DCPS: variants seen among roughly 807,000 people sequenced by gnomAD.
The protein encoded by DCPS is decapping enzyme, scavenger.
DCPS carries 27 observed loss-of-function variants against 34.7 expected under a neutral mutation model. That is an observed-to-expected ratio of 0.78 (90% CI 0.57 to 1.07). The LOEUF (loss-of-function observed/expected upper bound fraction) is 1.07. Among genes scored for constraint, DCPS ranks in the 50% least tolerant of loss-of-function variants. The probability of loss-of-function intolerance (pLI) is 0.00; values close to 1 mark genes in which losing one functional copy is unlikely to be tolerated. For synonymous variants in DCPS, 185 were observed against 185.7 expected, an observed-to-expected ratio of 1.00 and a Z score of 0.03; for missense variants, 464 against 436.9, an observed-to-expected ratio of 1.06 and a Z score of -0.55.
chr11:126,304,413 C>T, intron 1 of DCPS, 132 bp downstream of exon 1: 2 of 1,017,828 alleles, frequency 2.0e-6, no homozygotes, highest in Non-Finnish European at 2.9e-6. Flanking sequence ...CGGGAGTGCG[C>T]CACTAGAATG....
At position 126,339,316 on chromosome 11, in the gene DCPS, G is replaced by A. The variant is rs1002690658; in HGVS notation, c.636+917G>A. On this transcript the variant is annotated intron_variant, in intron 4 of 5. Transcript: ENST00000263579. Reference sequence around the variant, plus strand: ...GTGCCGTTCTGCTTTCGGTGGGCCCGTCTAGTTTCTGCACCCGTCAAAGGC... The same window carrying A: ...GTGCCGTTCTGCTTTCGGTGGGCCCATCTAGTTTCTGCACCCGTCAAAGGC... Among the ~76,000 whole-genome samples, 9 of 152,126 alleles carry A rather than the reference G, an allele frequency of 5.9e-5. No homozygotes were observed. The East Asian group carries it at 7.7e-4, about 13-fold the overall frequency.
rs1951882133 is a variant in DCPS at position 126,342,372 on chromosome 11, G to T, written c.637-935G>T. ...CAAGCTAACTGCCCTGGTGTTGTGT[G>T]TGCTGCTGAGCTGGCCCTTGGCTCC... On this transcript the variant is annotated intron_variant, in intron 4 of 5. Coordinates refer to ENST00000263579, the MANE Select transcript of DCPS (RefSeq NM_014026.6). The surrounding 1 kb of genome is among the most constrained non-coding windows in gnomAD (Gnocchi z 4.4). 1 of 152,452 alleles carries T rather than the reference G, an allele frequency of 6.6e-6. No homozygotes were observed. The highest frequency in any genetic ancestry group is 6.5e-5 in the Admixed American group (1 of 15,270). 9.4% of individuals were successfully genotyped at this position (152,452 alleles called of 1,614,324 possible).
Position 126,323,069 on chromosome 11 carries a change from TC to T in DCPS, c.377-8330del, listed in dbSNP as rs199951138. Among the ~76,000 whole-genome samples, 729 of 151,816 alleles carry T rather than the reference TC, an allele frequency of 4.8e-3. 8 individuals are homozygous for T. Among genetic ancestry groups the T allele is most frequent in the African/African-American group, 0.017 (697 of 41,384 alleles). On this transcript the variant is annotated intron_variant, in intron 2 of 5. Coordinates refer to ENST00000263579, the MANE Select transcript of DCPS (RefSeq NM_014026.6). The surrounding 1 kb of genome is among the most constrained non-coding windows in gnomAD (Gnocchi z 4.4). ...CTCGAACTCCTGGGCTCAATAGATT[TC>T]CCCCCTGTTTCAGCCTCCCAAAGTG... is the stretch of plus-strand genomic sequence containing the variant.
intron 2 of DCPS, among the ~76,000 whole-genome samples, chr11:126,326,844 G>A (rs964177905): frequency 1.3e-5 from 2 of 151,858 alleles, no homozygotes; most frequent in African/African-American, 4.8e-5. Flanking sequence ...AATGGCGTGA[G>A]CCCGGGAGGC....
intron 2 of DCPS, among the ~76,000 whole-genome samples, chr11:126,309,700 G>A (rs544853219): frequency 2.0e-5 from 3 of 152,134 alleles, no homozygotes; most frequent in Non-Finnish European, 4.4e-5. Flanking sequence ...TTTGGAAGTC[G>A]CAGCGGTTTG....
rs944336022 is a variant in DCPS at position 126,345,293 on chromosome 11, G to A, written c.748-54G>A. ...AGGAGGGTCTAGGTGGGGACATGGC[G>A]CCGGGCCTCAGGCAGCACGGTGACT... On this transcript the variant is annotated intron_variant, in intron 5 of 5. Coordinates refer to ENST00000263579, the MANE Select transcript of DCPS (RefSeq NM_014026.6). This position sits in a 1 kb window ranked among gnomAD's most constrained non-coding sequence, Gnocchi z 7.4. 37 of 1,599,786 alleles carry A rather than the reference G, an allele frequency of 2.3e-5. No homozygotes were observed. The highest frequency in any genetic ancestry group is 3.4e-4 in the Middle Eastern group (2 of 5,906).
intron 2 of DCPS, among the ~76,000 whole-genome samples, chr11:126,318,465 G>C (rs1222820017): frequency 1.3e-5 from 2 of 152,256 alleles, no homozygotes; most frequent in African/African-American, 4.8e-5. Flanking sequence ...GGGCTGAGGA[G>C]AGTGTCGCCT....
At chr11:126,310,563 G>A (rs1951611691) in intron 2 of DCPS, among the ~76,000 whole-genome samples, 2 of 152,200 alleles carry the variant, frequency 1.3e-5, no homozygotes, top group African/African-American at 4.8e-5. Flanking sequence ...GAAGGTTGGA[G>A]CCATGTCGCC....
chr11:126,310,646 G>T (rs771126026), intron 2 of DCPS, among the ~76,000 whole-genome samples: 109 of 150,554 alleles, frequency 7.2e-4, no homozygotes, highest in Non-Finnish European at 1.3e-3. Context: ...TTTCCTGTGG[G>T]CTGGGCATTC....
chr11:126,344,861 C>T lies in DCPS; in HGVS notation c.748-486C>T, dbSNP rs577819901. Among the ~76,000 whole-genome samples the T allele has an allele frequency of 6.6e-6, 1 of 152,326 alleles. No homozygotes were observed. Among genetic ancestry groups the T allele is most frequent in the African/African-American group, 2.4e-5 (1 of 41,572 alleles). ...ACAGTCCCTGCTCTTTCACCAAGTT[C>T]TCAGCATAGCCCCATCCCCAACTTC... On this transcript the variant is annotated intron_variant, in intron 5 of 5. Transcript: ENST00000263579. The surrounding 1 kb of genome is among the most constrained non-coding windows in gnomAD (Gnocchi z 8.1).
At position 126,304,065 on chromosome 11, in the gene DCPS, C is replaced by G. The variant is rs765873258; in HGVS notation, c.-16C>G. 6.3e-7 allele frequency: 1 copy of G among 1,575,376 alleles called. No homozygotes were observed. The highest frequency in any genetic ancestry group is 8.6e-7 in the Non-Finnish European group (1 of 1,160,802). ...CCAGCGCAGGGGGCGCAGGCGCACA[C>G]CGCCTCCGCGGCAGCATGGCGGACG... On this transcript the variant is annotated 5_prime_UTR_variant, in exon 1 of 6. Transcript: ENST00000263579.
chr11:126,307,501 C>T (rs1323045520), intron 2 of DCPS, among the ~76,000 whole-genome samples: 1 of 152,004 alleles, frequency 6.6e-6, no homozygotes, highest in Non-Finnish European at 1.5e-5. Flanking sequence ...ACCTCCGCCT[C>T]ACAGGTTCAA....
intron 2 of DCPS, among the ~76,000 whole-genome samples, chr11:126,310,197 A>G (rs1342071832): frequency 1.3e-5 from 2 of 152,132 alleles, no homozygotes; most frequent in Non-Finnish European, 2.9e-5. Context: ...ACTGGTCTTT[A>G]AAAAAACACC....
At chr11:126,310,189 T>TTTAAAAAACTTTGAGA (rs1249846399) in intron 2 of DCPS, among the ~76,000 whole-genome samples, 1 of 152,226 alleles carries the variant, frequency 6.6e-6, no homozygotes, top group Non-Finnish European at 1.5e-5. Context: ...TGAGAGGCAC[T>TTTAAAAAACTTTGAGA]GGTCTTTAAA....
chr11:126,326,558 A>G (rs1224892702), intron 2 of DCPS, among the ~76,000 whole-genome samples: 1 of 152,256 alleles, frequency 6.6e-6, no homozygotes, highest in Non-Finnish European at 1.5e-5. Context: ...CACCTTAAAA[A>G]AAATTTTCCT....
rs539705488 is a variant in DCPS, at chr11:126,347,396, GTAT to G, written c.*1785_*1787del. On this transcript the variant is annotated 3_prime_UTR_variant, in exon 6 of 6. Transcript: ENST00000263579. The surrounding 1 kb of genome is among the most constrained non-coding windows in gnomAD (Gnocchi z 4.2). ...GCGCCCCCATGCCCAGCTAATTTTT[GTAT>G]TTTTAGTAGAGACGGGGTTTCACCA... Among the ~76,000 whole-genome samples, 39 of 152,142 alleles carry G rather than the reference GTAT, an allele frequency of 2.6e-4. No individual in the cohort carries two copies. The East Asian group carries it at 7.6e-3, about 30-fold the overall frequency.
rs1344753758 is a variant in DCPS, at chr11:126,348,260, CT to C, written c.*2649del. On this transcript the variant is annotated 3_prime_UTR_variant, in exon 6 of 6. Transcript: ENST00000263579. The surrounding 1 kb of genome is among the most constrained non-coding windows in gnomAD (Gnocchi z 5.3). ...CCCCCGAGGGGCTGGCCAGTTCTGTCTTCCTTCTGCCCACTCTGTGGGGAGG... is the reference window on the plus strand; with the variant it reads ...CCCCCGAGGGGCTGGCCAGTTCTGTCTCCTTCTGCCCACTCTGTGGGGAGG... 3.3e-5 allele frequency among the ~76,000 whole-genome samples: 5 copies of C among 152,188 alleles called. No homozygotes were observed. Among genetic ancestry groups the C allele is most frequent in the Non-Finnish European group, 7.4e-5 (5 of 68,026 alleles).
chr11:126,317,789 G>T (rs1006075705), intron 2 of DCPS, among the ~76,000 whole-genome samples: 7 of 152,000 alleles, frequency 4.6e-5, no homozygotes, highest in Non-Finnish European at 1.0e-4. Flanking sequence ...GTGGAGAAGT[G>T]GGGGGGCTCG....
rs1199381755 is a variant in DCPS, at chr11:126,345,841, A to C, written c.*228A>C. The C allele has an allele frequency of 6.2e-6, 4 of 642,634 alleles. No individual in the cohort carries two copies. Among genetic ancestry groups the C allele is most frequent in the East Asian group, 2.9e-5 (1 of 33,942 alleles). 39.8% of individuals were successfully genotyped at this position (642,634 alleles called of 1,614,324 possible). A position where few individuals can be genotyped will look rare whatever the true frequency, so the allele number is the denominator to read the frequency against. On this transcript the variant is annotated 3_prime_UTR_variant, in exon 6 of 6. Coordinates refer to ENST00000263579, the MANE Select transcript of DCPS (RefSeq NM_014026.6). This position sits in a 1 kb window ranked among gnomAD's most constrained non-coding sequence, Gnocchi z 7.4. ...TGGGAAGGCCTTGAGAATGGTGGAAAGTCTCCAGGTGGTGGTTTCAACTGA... is the reference window on the plus strand; with the variant it reads ...TGGGAAGGCCTTGAGAATGGTGGAACGTCTCCAGGTGGTGGTTTCAACTGA...
Sources: allele counts gnomAD v4.1 joint callset (sites outside exome capture counted in the v4.1 genomes callset), GRCh38; gene constraint gnomAD v4.1.1; non-coding constraint Gnocchi (gnomAD v3.1); transcripts MANE v1.5; gene names NCBI Gene and HGNC (gene_info 2026-07-23, HGNC 2026-07-21).